Variants in GRIK1 observed in about 807,000 individuals in gnomAD.
GRIK1 encodes the protein glutamate ionotropic receptor kainate type subunit 1.
A neutral mutation model predicts 105.7 loss-of-function variants in GRIK1; 69 were observed. The observed-to-expected ratio is 0.65, with a 90% CI of 0.54 to 0.80. The LOEUF is 0.80. Ranked by LOEUF, GRIK1 falls within the 30% of genes least tolerant of loss-of-function variation. The pLI is 0.00. For synonymous variants in GRIK1, 438 were observed against 431.3 expected (o/e 1.02, Z -0.19); for missense variants, 1,109 against 1,167.3 (o/e 0.95, Z 0.73).
intron 7 of GRIK1, among the ~76,000 whole-genome samples, chr21:29,607,978 G>A (rs1455224603): frequency 6.6e-6 from 1 of 152,114 alleles, no homozygotes; most frequent in African/African-American, 2.4e-5. Context: ...CAGATCGTGA[G>A]CTAATGTAAA....
chr21:29,735,764 G>A (rs1424026504), intron 1 of GRIK1, among the ~76,000 whole-genome samples: 1 of 150,510 alleles, frequency 6.6e-6, no homozygotes, highest in East Asian at 2.0e-4. Flanking sequence ...GGGCATGGTA[G>A]CATGCACCTG....
Position 29,561,789 on chromosome 21 carries a change from C to A in GRIK1, c.2191G>T (p.Ala731Ser). Residue 731 changes from alanine to serine, a missense_variant, in exon 15 of 18, where the codon GCC (alanine) becomes TCC (serine). Around this residue, in one of 5 missense-constraint regions of GRIK1, gnomAD observed 264 missense variants for 306.9 expected, o/e 0.86. Coordinates refer to ENST00000327783, the MANE Select transcript of GRIK1 (RefSeq NM_001330994.2). ...CCCTCATCACTGTTTCTTACCAGGG[C>A]GGTCTGCTGCCTGCTGCTCATGAAA... ...WAFMSSRQQTALVRNSDEGIQ... is the reference protein window; with the variant it reads ...WAFMSSRQQTSLVRNSDEGIQ... 5 of 1,613,972 alleles carry A rather than the reference C, an allele frequency of 3.1e-6. No individual in the cohort carries two copies. In the South Asian group the frequency reaches 4.4e-5, roughly 14 times the overall value.
At chr21:29,938,340 TCTCCTGTGGCTCC>T (rs2071844352) in intron 1 of GRIK1, among the ~76,000 whole-genome samples, 1 of 152,190 alleles carries the variant, frequency 6.6e-6, no homozygotes, top group African/African-American at 2.4e-5. Flanking sequence ...TGTCACAGCT[TCTCCTGTGGCTCC>T]CTCTGTGACC....
chr21:29,598,147 G>A, intron 8 of GRIK1, among the ~76,000 whole-genome samples: 1 of 152,068 alleles, frequency 6.6e-6, no homozygotes, highest in East Asian at 1.9e-4. Context: ...ATTAAAATTG[G>A]CATAGTAAAA....
intron 1 of GRIK1, among the ~76,000 whole-genome samples, chr21:29,706,909 G>A (rs1433669630): frequency 6.6e-6 from 1 of 152,070 alleles, no homozygotes; most frequent in Non-Finnish European, 1.5e-5. Flanking sequence ...CTGTTGCCCA[G>A]GCTGGAGTGC....
At chr21:29,786,054 C>T (rs2066251948) in intron 1 of GRIK1, among the ~76,000 whole-genome samples, 1 of 152,214 alleles carries the variant, frequency 6.6e-6, no homozygotes, top group South Asian at 2.1e-4. Flanking sequence ...CAGTGGCGAT[C>T]TCCGCTCACT....
intron 1 of GRIK1, among the ~76,000 whole-genome samples, chr21:29,794,684 A>G (rs374322449): frequency 6.6e-6 from 1 of 152,304 alleles, no homozygotes; most frequent in East Asian, 1.9e-4. Context: ...CAGGTACAGA[A>G]TAATGTAGTT....
chr21:29,926,563 C>T (rs2071378238), intron 1 of GRIK1, among the ~76,000 whole-genome samples: 2 of 152,118 alleles, frequency 1.3e-5, no homozygotes, highest in South Asian at 4.1e-4. Context: ...AAAAGTTGGA[C>T]TTTAGGATCT....
chr21:29,920,515 T>C (rs1386778406), intron 1 of GRIK1, among the ~76,000 whole-genome samples: 1 of 152,088 alleles, frequency 6.6e-6, no homozygotes, highest in Admixed American at 6.6e-5. Context: ...ACCTTGTCGG[T>C]TTTTCCCATT....
Position 29,588,742 on chromosome 21 carries a change from G to A in GRIK1, c.1569+97C>T, listed in dbSNP as rs2061285147. On this transcript the variant is annotated intron_variant, in intron 11 of 17. Transcript: ENST00000327783. ...CTTTGCTTCTTAAAAAAATTGTTAC[G>A]ATTCAAAAAAAGGAAACATTTCTTC... 2.0e-5 allele frequency: 15 copies of A among 752,558 alleles called. 1 individual carries two copies. The South Asian group carries it at 2.5e-4, about 13-fold the overall frequency. 46.6% of individuals were successfully genotyped at this position (752,558 alleles called of 1,614,324 possible).
At chr21:29,754,835 A>G (rs1386275276) in intron 1 of GRIK1, among the ~76,000 whole-genome samples, 2 of 152,192 alleles carry the variant, frequency 1.3e-5, no homozygotes, top group Non-Finnish European at 2.9e-5. Flanking sequence ...GGACTGCAGC[A>G]TCAGCTTCAG....
intron 7 of GRIK1, among the ~76,000 whole-genome samples, chr21:29,602,647 T>A (rs1263082588): frequency 6.6e-6 from 1 of 152,150 alleles, no homozygotes; most frequent in Non-Finnish European, 1.5e-5. Context: ...AAGCAAAGAT[T>A]CATGTGCTGG....
intron 1 of GRIK1, among the ~76,000 whole-genome samples, chr21:29,870,782 T>A (rs1432222454): frequency 6.6e-6 from 1 of 152,184 alleles, no homozygotes; most frequent in Non-Finnish European, 1.5e-5. Flanking sequence ...ATATTTATAA[T>A]ATAAATCTGA....
chr21:29,561,380 A>G (rs1327530116), intron 15 of GRIK1, among the ~76,000 whole-genome samples: 1 of 152,192 alleles, frequency 6.6e-6, no homozygotes, highest in Non-Finnish European at 1.5e-5. Flanking sequence ...TAAAATCTAT[A>G]TATTCTTAAA....
intron 1 of GRIK1, among the ~76,000 whole-genome samples, chr21:29,896,918 T>C (rs1297203136): frequency 1.3e-5 from 2 of 152,286 alleles, no homozygotes; most frequent in East Asian, 3.9e-4. Flanking sequence ...AAGGAGCTTA[T>C]TGTCAAGGGC....
intron 1 of GRIK1, among the ~76,000 whole-genome samples, chr21:29,783,974 A>G (rs1050430626): frequency 1.3e-5 from 2 of 152,186 alleles, no homozygotes; most frequent in African/African-American, 4.8e-5. Context: ...TCTGTCGCCC[A>G]GGCTGGAGTG....
intron 9 of GRIK1, among the ~76,000 whole-genome samples, chr21:29,594,686 G>A (rs1037009270): frequency 6.6e-6 from 1 of 152,162 alleles, no homozygotes; most frequent in South Asian, 2.1e-4. Context: ...GCAATAAAAA[G>A]GGTATTCAGA....
At chr21:29,597,289 C>T (rs983185803) in intron 8 of GRIK1, among the ~76,000 whole-genome samples, 2 of 152,208 alleles carry the variant, frequency 1.3e-5, no homozygotes, top group African/African-American at 4.8e-5. Context: ...AAAACACTTT[C>T]ATCTAATTTG....
chr21:29,917,891 CAG>C (rs2071052900), intron 1 of GRIK1, among the ~76,000 whole-genome samples: 1 of 151,960 alleles, frequency 6.6e-6, no homozygotes. Context: ...TCAGACAAAA[CAG>C]ACCTAATTTC....
Sources: allele counts gnomAD v4.1 joint callset (sites outside exome capture counted in the v4.1 genomes callset), GRCh38; gene constraint gnomAD v4.1.1; regional missense constraint gnomAD v4.1.1; transcripts MANE v1.5; gene names NCBI Gene and HGNC (gene_info 2026-07-23, HGNC 2026-07-21).